Variants in PTPRN2 observed in about 807,000 individuals in gnomAD.
PTPRN2 encodes the protein receptor-type tyrosine-protein phosphatase N2.
Under a neutral mutation model 118.8 loss-of-function variants are expected in PTPRN2, and 74 were observed. The observed-to-expected ratio is 0.62, with a 90% CI of 0.52 to 0.76. The LOEUF (loss-of-function observed/expected upper bound fraction) is 0.76. Ranked by LOEUF, PTPRN2 falls within the 30% of genes least tolerant of loss-of-function variation. PTPRN2 has a pLI of 0.00. For synonymous variants in PTPRN2, 641 were observed against 608.0 expected (o/e 1.05, Z -0.80); for missense variants, 1,481 against 1,394.4 (o/e 1.06, Z -0.99).
At chr7:158,126,891 C>A (rs76664243) in intron 9 of PTPRN2, among the ~76,000 whole-genome samples, 2 of 152,204 alleles carry the variant, frequency 1.3e-5, no homozygotes, top group South Asian at 4.1e-4. Flanking sequence ...CCCTGGCCGG[C>A]GGATCCCTGC....
chr7:158,225,811 A>T (rs78722522), intron 3 of PTPRN2, among the ~76,000 whole-genome samples: 5,219 of 152,078 alleles, frequency 0.034, 316 homozygotes, highest in African/African-American at 0.12. Context: ...ACTCTAAGAT[A>T]ACGGAGTAGC....
intron 11 of PTPRN2, among the ~76,000 whole-genome samples, chr7:158,058,789 A>G (rs1373636114): frequency 9.6e-5 from 10 of 103,706 alleles, no homozygotes; most frequent in Non-Finnish European, 1.5e-4. Flanking sequence ...CTGCAGCCAC[A>G]CTCCATCTGC....
chr7:158,073,098 C>T (rs916330459), intron 11 of PTPRN2, among the ~76,000 whole-genome samples: 1 of 152,146 alleles, frequency 6.6e-6, no homozygotes, highest in Non-Finnish European at 1.5e-5. Flanking sequence ...GGTAGGTGCC[C>T]AGCACCATCT....
chr7:158,271,870 G>A (rs1485248262), intron 3 of PTPRN2, among the ~76,000 whole-genome samples: 1 of 152,086 alleles, frequency 6.6e-6, no homozygotes, highest in East Asian at 1.9e-4. Context: ...CCTTGCAAAG[G>A]CCCCTAACAC....
intron 1 of PTPRN2, among the ~76,000 whole-genome samples, chr7:158,569,454 G>T (rs1488264125): frequency 1.3e-5 from 2 of 152,264 alleles, no homozygotes; most frequent in Non-Finnish European, 2.9e-5. Context: ...CCCTCCCCGG[G>T]ACGTCACAGC....
chr7:157,671,425 G>A lies in PTPRN2; in HGVS notation c.2001+11300C>T, dbSNP rs952702414. ...AGGGATGAATAGGGCCCTGGTGTTC[G>A]GGATGGGACGGGCCACCCCGGGCTG... On this transcript the variant is annotated intron_variant, in intron 13 of 22. Transcript: ENST00000389418. This position sits in a 1 kb window ranked among gnomAD's most constrained non-coding sequence, Gnocchi z 4.1. Among the ~76,000 whole-genome samples the A allele has an allele frequency of 1.3e-5, 2 of 152,170 alleles. No individual in the cohort carries two copies. Among genetic ancestry groups the A allele is most frequent in the African/African-American group, 4.8e-5 (2 of 41,440 alleles).
chr7:158,277,840 G>A (rs1799128337), intron 3 of PTPRN2, among the ~76,000 whole-genome samples: 1 of 152,210 alleles, frequency 6.6e-6, no homozygotes, highest in Non-Finnish European at 1.5e-5. Flanking sequence ...TCCGCCTTCA[G>A]GGAGCAGCCC....
chr7:157,901,870 G>T (rs1196305056), intron 11 of PTPRN2, among the ~76,000 whole-genome samples: 1 of 97,654 alleles, frequency 1.0e-5, no homozygotes, highest in Non-Finnish European at 1.9e-5. Flanking sequence ...CGTGTTTCCT[G>T]GGTCCTGAGG....
chr7:158,231,951 G>C (rs141563842), intron 3 of PTPRN2, among the ~76,000 whole-genome samples: 12 of 152,136 alleles, frequency 7.9e-5, no homozygotes, highest in African/African-American at 2.4e-4. Flanking sequence ...CAATCTATGG[G>C]ATACAATAAA....
intron 17 of PTPRN2, among the ~76,000 whole-genome samples, chr7:157,586,986 G>T (rs1403581875): frequency 6.6e-6 from 1 of 152,218 alleles, no homozygotes; most frequent in African/African-American, 2.4e-5. Context: ...GTTGCTGGTG[G>T]TGCTGATGGT....
chr7:157,918,602 C>T (rs1021629856), intron 11 of PTPRN2, among the ~76,000 whole-genome samples: 4 of 151,976 alleles, frequency 2.6e-5, no homozygotes, highest in East Asian at 1.9e-4. Flanking sequence ...CTGACGCGGC[C>T]GGGAAAATCT....
At chr7:157,664,411 T>C (rs10234200) in intron 13 of PTPRN2, among the ~76,000 whole-genome samples, 58,447 of 152,182 alleles carry the variant, frequency 0.38, 12,290 homozygotes, top group Non-Finnish European at 0.49. Context: ...TGTCAGCCAG[T>C]GACAGAAATG....
chr7:158,318,078 G>C (rs1802494440), intron 2 of PTPRN2, among the ~76,000 whole-genome samples: 1 of 152,132 alleles, frequency 6.6e-6, no homozygotes, highest in South Asian at 2.1e-4. Context: ...TCCTGTCCGA[G>C]AGCCGGCCCG....
intron 11 of PTPRN2, among the ~76,000 whole-genome samples, chr7:158,032,292 G>A (rs1807745324): frequency 6.6e-6 from 1 of 152,160 alleles, no homozygotes; most frequent in African/African-American, 2.4e-5. Context: ...TCTGATGAAG[G>A]CCCCTCCTCT....
chr7:157,767,204 C>T (rs1161755897), intron 12 of PTPRN2, among the ~76,000 whole-genome samples: 4 of 152,168 alleles, frequency 2.6e-5, no homozygotes, highest in Non-Finnish European at 5.9e-5. Context: ...CCAGGCTGTG[C>T]TGGGCACACA....
intron 3 of PTPRN2, among the ~76,000 whole-genome samples, chr7:158,263,237 T>A (rs752864480): frequency 4.6e-5 from 7 of 152,212 alleles, no homozygotes; most frequent in Non-Finnish European, 1.0e-4. Context: ...GTGCCTACTG[T>A]ATGCATGCAT....
chr7:158,532,911 AC>A (rs1343618314), intron 1 of PTPRN2: 1 of 470,164 alleles, frequency 2.1e-6, no homozygotes, highest in Non-Finnish European at 4.5e-6. Context: ...GCTCCACCAC[AC>A]CTGCTCCCTC....
chr7:157,959,271 TA>T (rs766483003), intron 11 of PTPRN2, among the ~76,000 whole-genome samples: 1 of 152,174 alleles, frequency 6.6e-6, no homozygotes, highest in African/African-American at 2.4e-5. Context: ...TAGGAAGACT[TA>T]GGGGGAAGCT....
chr7:158,279,300 C>T (rs1799252979), intron 3 of PTPRN2, among the ~76,000 whole-genome samples: 1 of 152,174 alleles, frequency 6.6e-6, no homozygotes, highest in African/African-American at 2.4e-5. Flanking sequence ...TGTGCATTTA[C>T]AATCCTTTAG....
Sources: gnomAD v4.1 joint callset for allele counts (sites outside exome capture counted in the v4.1 genomes callset) on GRCh38, gnomAD v4.1.1 for gene constraint, Gnocchi (gnomAD v3.1) non-coding constraint, MANE v1.5 for transcripts, NCBI Gene and HGNC (gene_info 2026-07-23, HGNC 2026-07-21) for gene names.